MDN1: variants seen among roughly 807,000 people sequenced by gnomAD.
MDN1 encodes the protein midasin AAA ATPase 1, also known as midasin.
MDN1 carries 266 observed loss-of-function variants against 669.2 expected under a neutral mutation model. The observed-to-expected ratio is 0.40, with a 90% CI of 0.36 to 0.44. The LOEUF (loss-of-function observed/expected upper bound fraction) is 0.44, where lower values mean the gene tolerates loss of function less well. MDN1 is among the 20% of genes least tolerant of loss of function. The pLI is 1.00. For synonymous variants in MDN1, 2,385 were observed against 2,457.1 expected (o/e 0.97, Z 0.87); for missense variants, 5,940 against 6,754.0 (o/e 0.88, Z 4.22).
In MDN1 at chr6:89,677,599, G is replaced by A. The variant is rs115144677; in HGVS notation, c.12510C>T (p.Ile4170=). 6.2e-5 allele frequency: 100 copies of A among 1,614,180 alleles called. No homozygotes were observed. Among genetic ancestry groups the A allele is most frequent in the Admixed American group, 1.5e-4 (9 of 60,018 alleles). ...AATCAGCCTCCTGAGTGCTGCTGAC[G>A]ATGGACAATGCGCTCTGGAGATCTA... ...HPLDLQSALS[I]VSSTQEADSR... The change falls in exon 76 of 102, where the codon ATC becomes ATT. Residue 4170 remains isoleucine (I), a synonymous_variant. Coordinates refer to ENST00000369393, the MANE Select transcript of MDN1 (RefSeq NM_014611.3).
At position 89,692,982 on chromosome 6, in the gene MDN1, G is replaced by A. The variant is rs1397254617; in HGVS notation, c.10048C>T (p.Leu3350Phe). The change falls in exon 63 of 102, where the codon CTT becomes TTT. Residue 3350 changes from leucine to phenylalanine, a missense_variant. This residue lies in a region of MDN1 where 150 missense variants were observed against 234.2 expected (regional missense o/e 0.64). Coordinates refer to ENST00000369393, the MANE Select transcript of MDN1 (RefSeq NM_014611.3). ...CCATCTATGTGGAGGGCCTGCAGAA[G>A]CCGTGTGAGCAGATCCTGAACAGCA... The part of the protein sequence containing the change: ...APAVQDLLTR[L>F]LQALHIDGPR... The A allele has an allele frequency of 6.2e-7, 1 of 1,614,090 alleles. No homozygotes were observed. The highest frequency in any genetic ancestry group is 1.3e-5 in the African/African-American group (1 of 74,944).
At position 89,810,292 on chromosome 6, in the gene MDN1, C is replaced by T. The variant is rs148639973; in HGVS notation, c.103-6738G>A. Among the ~76,000 whole-genome samples, 704 of 151,714 alleles carry T rather than the reference C, an allele frequency of 4.6e-3. 8 individuals carry two copies. Among genetic ancestry groups the T allele is most frequent in the Middle Eastern group, 0.017 (5 of 294 alleles). On this transcript the variant is annotated intron_variant, in intron 1 of 101. Transcript: ENST00000369393. ...CTCTACTAAAAATACAAAAATTAGC[C>T]GGGTATGGTGGCGGGTGCCTGTAGT...
intron 49 of MDN1, among the ~76,000 whole-genome samples, chr6:89,711,367 AAAAAT>A (rs1813903214): frequency 6.6e-6 from 1 of 152,264 alleles, no homozygotes; most frequent in Non-Finnish European, 1.5e-5. Context: ...AAAATACAAC[AAAAAT>A]AATATAAATT....
intron 1 of MDN1, among the ~76,000 whole-genome samples, chr6:89,806,155 C>T (rs2128330039): frequency 6.6e-6 from 1 of 152,230 alleles, no homozygotes; most frequent in South Asian, 2.1e-4. Flanking sequence ...CCAGGCTGAT[C>T]TCAAACTCCT....
rs1365869378 is a variant in MDN1, at chr6:89,650,843, T to G, written c.15920A>C (p.Lys5307Thr). Residue 5307 changes from lysine to threonine, a missense_variant, in exon 96 of 102, where the codon AAG becomes ACG. By Grantham distance (78) the Lys-to-Thr change is moderately conservative (BLOSUM62 -1). Around this residue, in one of 5 missense-constraint regions of MDN1, gnomAD observed 2,280 missense variants for 2,576.3 expected, o/e 0.88. Transcript: ENST00000369393. The part of the protein sequence containing the change: ...PRESGNPEEE[K>T]VAAEMWQSYL... Reference sequence around the variant, plus strand: ...ACTCTGCCACATCTCAGCTGCAACCTTCTCCTGTGACAACAACAAAATGTA... The same window carrying G: ...ACTCTGCCACATCTCAGCTGCAACCGTCTCCTGTGACAACAACAAAATGTA... 1 of 1,613,258 alleles carries G rather than the reference T, an allele frequency of 6.2e-7. No homozygotes were observed. Among genetic ancestry groups the G allele is most frequent in the Non-Finnish European group, 8.5e-7 (1 of 1,179,312 alleles).
At chr6:89,696,052 C>T in intron 60 of MDN1, 60 bp from the exon 61 acceptor site, 2 of 1,526,020 alleles carry the variant, frequency 1.3e-6, no homozygotes, top group East Asian at 4.5e-5. Flanking sequence ...CATTCCTTTT[C>T]ATACAGTATA....
At chr6:89,811,259 T>C (rs1043506655) in intron 1 of MDN1, among the ~76,000 whole-genome samples, 7 of 152,100 alleles carry the variant, frequency 4.6e-5, no homozygotes, top group Non-Finnish European at 1.5e-5. Context: ...AGGGATCAGC[T>C]AGGCTAGGAT....
intron 69 of MDN1, 39 bp downstream of exon 69, chr6:89,686,862 GA>G: frequency 6.2e-7 from 1 of 1,608,374 alleles, no homozygotes; most frequent in Non-Finnish European, 8.5e-7. Flanking sequence ...ATTTAGCCGG[GA>G]AGCTCTAAGT....
chr6:89,790,486 A>G, intron 5 of MDN1, 85 bp from the exon 6 acceptor site: 1 of 1,530,986 alleles, frequency 6.5e-7, no homozygotes. Context: ...CCTTCTACTA[A>G]CCTTACACAA....
At chr6:89,773,696 G>T (rs1160623799) in intron 13 of MDN1, among the ~76,000 whole-genome samples, 3 of 152,142 alleles carry the variant, frequency 2.0e-5, no homozygotes, top group African/African-American at 7.2e-5. Flanking sequence ...CAGGCACCGT[G>T]GCTCAGGCCT....
Position 89,683,257 on chromosome 6 carries a change from C to A in MDN1, c.11977G>T (p.Asp3993Tyr), listed in dbSNP as rs751730685. 6.2e-7 allele frequency: 1 copy of A among 1,614,148 alleles called. No individual in the cohort carries two copies. The highest frequency in any genetic ancestry group is 8.5e-7 in the Non-Finnish European group (1 of 1,180,026). The change falls in exon 73 of 102, where the codon GAC becomes TAC. Residue 3993 changes from aspartate to tyrosine, a missense_variant. Asp to Tyr is a radical substitution (Grantham distance 160). Around this residue, in one of 5 missense-constraint regions of MDN1, gnomAD observed 2,280 missense variants for 2,576.3 expected, o/e 0.88. Coordinates refer to ENST00000369393, the MANE Select transcript of MDN1 (RefSeq NM_014611.3). The part of the protein sequence containing the change: ...EPCRSSLVES[D>Y]KEEQPDFLPR... The stretch of plus-strand genomic sequence containing the variant: ...AAAAAGTCAGGCTGTTCTTCCTTGT[C>A]ACTCTCCACCAGGGATGACCGGCAG...
intron 37 of MDN1, among the ~76,000 whole-genome samples, chr6:89,725,930 TACACAC>T (rs71024397): frequency 0.36 from 52,995 of 147,368 alleles, 9,949 homozygotes; most frequent in East Asian, 0.7. Flanking sequence ...TGGTATTTTA[TACACAC>T]ACACACACAC....
In MDN1 at chr6:89,790,240, A is replaced by T; in HGVS notation, c.1017T>A (p.Val339=). ...TACCTGTCACTGCAGCTAAATATTCAACTAAGGAAGTTTTGCCACATCCTA... is the reference window on the plus strand; with the variant it reads ...TACCTGTCACTGCAGCTAAATATTCTACTAAGGAAGTTTTGCCACATCCTA... ...GPIGCGKTSL[V]EYLAAVTGRT... is the part of the protein sequence containing the mutation. Residue 339 remains valine, a synonymous_variant, in exon 6 of 102, where the codon GTT becomes GTA. Coordinates refer to ENST00000369393, the MANE Select transcript of MDN1 (RefSeq NM_014611.3). The T allele has an allele frequency of 1.2e-6, 2 of 1,614,166 alleles. No individual in the cohort carries two copies. Among genetic ancestry groups the T allele is most frequent in the Non-Finnish European group, 1.7e-6 (2 of 1,180,014 alleles).
In MDN1 at chr6:89,732,554, T is replaced by C. The variant is rs778214354; in HGVS notation, c.4942+3A>G. ...TGTCCCCACCAGCTACCAGACAACATACCTGAACCTATTCCATCTATGTAC... is the reference window on the plus strand; with the variant it reads ...TGTCCCCACCAGCTACCAGACAACACACCTGAACCTATTCCATCTATGTAC... On this transcript the variant is annotated splice_donor_region_variant and intron_variant, in intron 34 of 101. Transcript: ENST00000369393. 1.2e-6 allele frequency: 2 copies of C among 1,613,950 alleles called. No individual in the cohort carries two copies. Among genetic ancestry groups the C allele is most frequent in the African/African-American group, 1.3e-5 (1 of 75,046 alleles).
chr6:89,675,355 T>A, intron 78 of MDN1, 109 bp downstream of exon 78: 12 of 906,622 alleles, frequency 1.3e-5, no homozygotes, highest in Non-Finnish European at 1.8e-5. Context: ...TAAATTCATT[T>A]CACAATTGAG....
chr6:89,656,514 G>T (rs541436193), intron 91 of MDN1, among the ~76,000 whole-genome samples, 186 bp downstream of exon 91: 1 of 152,188 alleles, frequency 6.6e-6, no homozygotes, highest in Non-Finnish European at 1.5e-5. Context: ...AAGAAGCCGT[G>T]ACGGGATCCC....
Position 89,690,026 on chromosome 6 carries a change from C to T in MDN1, c.10867G>A (p.Val3623Ile). The change falls in exon 65 of 102, where the codon GTA becomes ATA. Residue 3623 changes from valine to isoleucine, a missense_variant. By Grantham distance (29) the Val-to-Ile change is conservative. This residue lies in a region of MDN1 where 2,280 missense variants were observed against 2,576.3 expected (regional missense o/e 0.88). Transcript: ENST00000369393. ...ALLSQNSMQA[V>I]MLIHQQLCLN... The stretch of plus-strand genomic sequence containing the variant: ...CACAATTGCTGGTGTATCAGCATTA[C>T]TGCCTGCATTGAATTCTGGGAGAGG... The T allele has an allele frequency of 6.2e-7, 1 of 1,614,214 alleles. No homozygotes were observed. The highest frequency in any genetic ancestry group is 8.5e-7 in the Non-Finnish European group (1 of 1,180,044).
At chr6:89,734,694 A>AC (rs1815832799) in intron 33 of MDN1, among the ~76,000 whole-genome samples, 1 of 142,880 alleles carries the variant, frequency 7.0e-6, no homozygotes, top group African/African-American at 2.6e-5. Context: ...AAAAAACAAG[A>AC]GAGAGAGAGA....
intron 83 of MDN1, among the ~76,000 whole-genome samples, chr6:89,669,339 C>T (rs1810475591): frequency 6.6e-6 from 1 of 152,190 alleles, no homozygotes; most frequent in Admixed American, 6.5e-5. Flanking sequence ...GCCTGGTGCC[C>T]ACCAGAGGCG....
Sources: gnomAD v4.1 joint callset for allele counts (sites outside exome capture counted in the v4.1 genomes callset) on GRCh38, gnomAD v4.1.1 for gene constraint, gnomAD v4.1.1 regional missense constraint, MANE v1.5 for transcripts, NCBI Gene and HGNC (gene_info 2026-07-23, HGNC 2026-07-21) for gene names.